XPNPEP3: variants seen among roughly 807,000 people sequenced by gnomAD.
XPNPEP3 encodes the protein X-prolyl aminopeptidase 3, also known as xaa-Pro aminopeptidase 3.
A neutral mutation model predicts 60.0 loss-of-function variants in XPNPEP3; 41 were observed. The observed-to-expected ratio is 0.68, with a 90% CI of 0.53 to 0.89. The LOEUF (loss-of-function observed/expected upper bound fraction) is 0.89, where lower values mean the gene tolerates loss of function less well. Ranked by LOEUF, XPNPEP3 falls within the 40% of genes least tolerant of loss-of-function variation. The probability of loss-of-function intolerance (pLI) is 0.00; values close to 1 mark genes in which losing one functional copy is unlikely to be tolerated. For missense variants in XPNPEP3, 598 were observed against 638.9 expected (o/e 0.94, Z 0.69); for synonymous variants, 212 against 223.2 (o/e 0.95, Z 0.45).
chr22:40,925,414 A>G (rs527513540), intron 9 of XPNPEP3, among the ~76,000 whole-genome samples: 1 of 152,344 alleles, frequency 6.6e-6, no homozygotes, highest in African/African-American at 2.4e-5. Context: ...TAATCTCTGT[A>G]TAAATTATGG....
rs2058251121 is a variant in XPNPEP3, at chr22:40,930,529, C to T, written c.*4094C>T. The T allele has an allele frequency of 6.6e-6, 1 of 151,636 alleles. No homozygotes were observed. The allele number at this position is 151,636 out of a possible 1,614,324, so 9.4% of individuals were successfully genotyped here. A position where few individuals can be genotyped will look rare whatever the true frequency, so the allele number is the denominator to read the frequency against. On this transcript the variant is annotated 3_prime_UTR_variant, in exon 10 of 10. Transcript: ENST00000357137. Reference sequence around the variant, plus strand: ...GATCAGATCAGAACAATTAGCATATCCATCACATTGAACATTTATCATTTA... The same window carrying T: ...GATCAGATCAGAACAATTAGCATATTCATCACATTGAACATTTATCATTTA...
intron 3 of XPNPEP3, among the ~76,000 whole-genome samples, chr22:40,884,334 CTTT>C (rs1216026499): frequency 7.2e-6 from 1 of 138,452 alleles, no homozygotes. Context: ...GTCACCATTC[CTTT>C]TTTTTTTTTT....
chr22:40,902,335 C>G (rs2058137490), intron 4 of XPNPEP3, among the ~76,000 whole-genome samples: 1 of 150,596 alleles, frequency 6.6e-6, no homozygotes, highest in Admixed American at 6.7e-5. Context: ...ACTGCAAGCT[C>G]CACCTCCCGG....
intron 1 of XPNPEP3, among the ~76,000 whole-genome samples, chr22:40,864,897 C>A (rs900346017): frequency 6.6e-6 from 1 of 152,186 alleles, no homozygotes; most frequent in Non-Finnish European, 1.5e-5. Context: ...TACCAAACCC[C>A]TACTGAAGAT....
At chr22:40,913,622 T>C (rs2058184620) in intron 6 of XPNPEP3, among the ~76,000 whole-genome samples, 2 of 152,038 alleles carry the variant, frequency 1.3e-5, no homozygotes, top group African/African-American at 4.8e-5. Flanking sequence ...TAGTGATATT[T>C]ATGATGTGCT....
chr22:40,902,079 T>C (rs1257764405), intron 4 of XPNPEP3, among the ~76,000 whole-genome samples: 5 of 146,790 alleles, frequency 3.4e-5, no homozygotes, highest in African/African-American at 1.3e-4. Context: ...TTCTTTTTTT[T>C]TTTTTTTTTT....
At chr22:40,859,088 C>G (rs768931524) in intron 1 of XPNPEP3, among the ~76,000 whole-genome samples, 1 of 152,074 alleles carries the variant, frequency 6.6e-6, no homozygotes, top group East Asian at 1.9e-4. Flanking sequence ...AGATGTGTTC[C>G]GCAGTAATTT....
At chr22:40,885,802 T>G (rs574367888) in intron 3 of XPNPEP3, among the ~76,000 whole-genome samples, 2 of 152,160 alleles carry the variant, frequency 1.3e-5, no homozygotes, top group African/African-American at 4.8e-5. Context: ...ACCAATATGG[T>G]GAAACCTCAT....
intron 7 of XPNPEP3, among the ~76,000 whole-genome samples, chr22:40,914,624 A>G (rs1224751769): frequency 2.0e-5 from 3 of 146,798 alleles, no homozygotes; most frequent in African/African-American, 7.7e-5. Context: ...TCACAGGCCA[A>G]ATCATAGCTC....
Position 40,930,741 on chromosome 22 carries a change from T to C in XPNPEP3, c.*4306T>C, listed in dbSNP as rs1334845291. The C allele has an allele frequency of 5.9e-5, 9 of 151,984 alleles. No individual in the cohort carries two copies. The highest frequency in any genetic ancestry group is 1.3e-4 in the Non-Finnish European group (9 of 68,056). 9.4% of individuals were successfully genotyped at this position (151,984 alleles called of 1,614,324 possible). ...CCTGCCACCACACCCAATTTTTGTATTTTTAGTAGAGACGGGGTTTCACCA... is the reference window on the plus strand; with the variant it reads ...CCTGCCACCACACCCAATTTTTGTACTTTTAGTAGAGACGGGGTTTCACCA... On this transcript the variant is annotated 3_prime_UTR_variant, in exon 10 of 10. Coordinates refer to ENST00000357137, the MANE Select transcript of XPNPEP3 (RefSeq NM_022098.4).
At chr22:40,897,433 C>T (rs1012025805) in intron 4 of XPNPEP3, among the ~76,000 whole-genome samples, 1 of 151,826 alleles carries the variant, frequency 6.6e-6, no homozygotes, top group Non-Finnish European at 1.5e-5. Context: ...TTATTCAGGT[C>T]CCTGCTTTCA....
chr22:40,868,481 A>T (rs2057989826), intron 1 of XPNPEP3, among the ~76,000 whole-genome samples: 1 of 151,642 alleles, frequency 6.6e-6, no homozygotes, highest in Non-Finnish European at 1.5e-5. Flanking sequence ...ATAGCAGACA[A>T]ATGTCTCTGA....
At position 40,932,349 on chromosome 22, in the gene XPNPEP3, T is replaced by C. The variant is rs1241813453; in HGVS notation, c.*5914T>C. ...ATGGTGTGATTGTGTTTTTTTTTTT[T>C]TAATTTTTGTTTCCTGAAGTAGAAT... On this transcript the variant is annotated 3_prime_UTR_variant, in exon 10 of 10. Coordinates refer to ENST00000357137, the MANE Select transcript of XPNPEP3 (RefSeq NM_022098.4). 3 of 152,112 alleles carry C rather than the reference T, an allele frequency of 2.0e-5. No homozygotes were observed. Among genetic ancestry groups the C allele is most frequent in the Admixed American group, 1.3e-4 (2 of 15,254 alleles). 9.4% of individuals were successfully genotyped at this position (152,112 alleles called of 1,614,324 possible). A position where few individuals can be genotyped will look rare whatever the true frequency, so the allele number is the denominator to read the frequency against.
intron 1 of XPNPEP3, chr22:40,860,757 G>A (rs2057938762): frequency 1.3e-6 from 1 of 749,686 alleles, no homozygotes; most frequent in Non-Finnish European, 2.1e-6. Flanking sequence ...GGCTCAAGCA[G>A]TCTTTCTACC....
intron 6 of XPNPEP3, among the ~76,000 whole-genome samples, chr22:40,910,119 A>G (rs931181838): frequency 6.6e-6 from 1 of 151,706 alleles, no homozygotes; most frequent in African/African-American, 2.4e-5. Context: ...TAAATTATAC[A>G]GCATAATTAA....
intron 1 of XPNPEP3, chr22:40,860,877 C>G: frequency 1.5e-6 from 1 of 665,588 alleles, no homozygotes; most frequent in Non-Finnish European, 2.5e-6. Context: ...TTCTTATTAG[C>G]ACCAACTGTC....
At chr22:40,912,850 A>G (rs1569030314) in intron 6 of XPNPEP3, among the ~76,000 whole-genome samples, 1 of 152,176 alleles carries the variant, frequency 6.6e-6, no homozygotes, top group East Asian at 1.9e-4. Flanking sequence ...AGCTCTGGGC[A>G]ATAGAGCAAG....
chr22:40,909,226 A>G lies in XPNPEP3; in HGVS notation c.960A>G (p.Gln320=), dbSNP rs2058167869. 6.8e-6 allele frequency: 11 copies of G among 1,613,904 alleles called. No homozygotes were observed. Among genetic ancestry groups the G allele is most frequent in the South Asian group, 1.1e-5 (1 of 91,076 alleles). ...SNTLHYVKNN[Q]LIKDGEMVLL... is the part of the protein sequence containing the mutation. The stretch of plus-strand genomic sequence containing the variant: ...CTTTGCACTATGTGAAAAATAATCA[A>G]CTCATCAAGGTACGTGAGATGCCCT... The change falls in exon 6 of 10, where the codon CAA becomes CAG. Residue 320 remains glutamine (Q), a synonymous_variant. Coordinates refer to ENST00000357137, the MANE Select transcript of XPNPEP3 (RefSeq NM_022098.4).
chr22:40,922,483 G>C lies in XPNPEP3; in HGVS notation c.1206G>C (p.Met402Ile). 1.2e-6 allele frequency: 2 copies of C among 1,614,024 alleles called. No homozygotes were observed. The highest frequency in any genetic ancestry group is 3.3e-5 in the Admixed American group (2 of 59,992). The stretch of plus-strand genomic sequence containing the variant: ...AGAAGCTTAAAGACTTGGGGATCAT[G>C]AAGAACATTAAGGAAAATAATGCCT... Reference protein sequence around the residue: ...IGQKLKDLGIMKNIKENNAFK... With the variant: ...IGQKLKDLGIIKNIKENNAFK... The change falls in exon 8 of 10, where the codon ATG becomes ATC. Residue 402 changes from methionine (M) to isoleucine (I), a missense_variant. Coordinates refer to ENST00000357137, the MANE Select transcript of XPNPEP3 (RefSeq NM_022098.4).
Sources: allele counts gnomAD v4.1 joint callset (sites outside exome capture counted in the v4.1 genomes callset), GRCh38; gene constraint gnomAD v4.1.1; transcripts MANE v1.5; gene names NCBI Gene and HGNC (gene_info 2026-07-23, HGNC 2026-07-21).